The following CUEDC1 variants were observed in gnomAD, a reference collection of about 807,000 sequenced individuals.
CUEDC1 encodes the protein CUE domain containing 1, also known as CUE domain-containing protein 1.
Under a neutral mutation model 43.7 loss-of-function variants are expected in CUEDC1, and 30 were observed. The observed-to-expected ratio is 0.69, with a 90% CI of 0.51 to 0.93. The LOEUF (loss-of-function observed/expected upper bound fraction) is 0.93. Ranked by LOEUF, CUEDC1 falls within the 40% of genes least tolerant of loss-of-function variation. CUEDC1 has a pLI of 0.00. For synonymous variants in CUEDC1, 223 were observed against 223.6 expected (o/e 1.00, Z 0.02); for missense variants, 486 against 549.0 (o/e 0.89, Z 1.15).
chr17:57,953,366 G>A (rs769366244), intron 1 of CUEDC1, among the ~76,000 whole-genome samples: 2 of 152,214 alleles, frequency 1.3e-5, no homozygotes, highest in Non-Finnish European at 2.9e-5. Context: ...GCTAGCTGTA[G>A]GGAGCTGGGA....
intron 1 of CUEDC1, among the ~76,000 whole-genome samples, chr17:57,919,468 G>A (rs538708909): frequency 3.9e-5 from 6 of 152,134 alleles, no homozygotes; most frequent in East Asian, 1.9e-4. Context: ...GCGTGTGCCC[G>A]GCGATATATG....
At chr17:57,897,160 C>G (rs950554525) in intron 1 of CUEDC1, among the ~76,000 whole-genome samples, 1 of 152,110 alleles carries the variant, frequency 6.6e-6, no homozygotes, top group African/African-American at 2.4e-5. Flanking sequence ...TTGGTAGGTA[C>G]ATGCATTTTC....
chr17:57,935,690 C>T (rs192526405), intron 1 of CUEDC1, among the ~76,000 whole-genome samples: 11 of 152,270 alleles, frequency 7.2e-5, no homozygotes, highest in African/African-American at 1.4e-4. Flanking sequence ...GTGTTTACCC[C>T]GGGTGCAGCC....
At chr17:57,895,180 A>C (rs2074395764) in intron 1 of CUEDC1, among the ~76,000 whole-genome samples, 1 of 152,216 alleles carries the variant, frequency 6.6e-6, no homozygotes, top group Admixed American at 6.5e-5. Flanking sequence ...TCATAGTAGA[A>C]AAATGAGGCG....
At chr17:57,936,865 C>T (rs1188457963) in intron 1 of CUEDC1, among the ~76,000 whole-genome samples, 2 of 150,620 alleles carry the variant, frequency 1.3e-5, no homozygotes, top group African/African-American at 4.9e-5. Flanking sequence ...TGTATCACCA[C>T]GCTGGAGTAC....
In CUEDC1 at chr17:57,930,437, T is replaced by C. The variant is rs1479616300; in HGVS notation, c.-316+24788A>G. ...TCTGGGATGCCCAGGGGCCCTTTTA[T>C]CCTGAGTCAGAAACCAAAGCCCTCT... On this transcript the variant is annotated intron_variant, in intron 1 of 10. Coordinates refer to ENST00000577830, the MANE Select transcript of CUEDC1 (RefSeq NM_001271875.2). The surrounding 1 kb of genome is among the most constrained non-coding windows in gnomAD (Gnocchi z 4.2). Among the ~76,000 whole-genome samples, 2 of 152,176 alleles carry C rather than the reference T, an allele frequency of 1.3e-5. No individual in the cohort carries two copies. The highest frequency in any genetic ancestry group is 1.9e-4 in the East Asian group (1 of 5,192).
At chr17:57,932,281 C>CAAAAAAAAAA (rs56137797) in intron 1 of CUEDC1, among the ~76,000 whole-genome samples, 42 of 121,944 alleles carry the variant, frequency 3.4e-4, no homozygotes, top group South Asian at 2.3e-3. Flanking sequence ...CACTGTGTCT[C>CAAAAAAAAAA]AAAAAAAAAA....
intron 10 of CUEDC1, among the ~76,000 whole-genome samples, chr17:57,864,000 CAAAAAA>C (rs71365846): frequency 2.4e-5 from 2 of 82,570 alleles, no homozygotes; most frequent in African/African-American, 5.4e-5. Context: ...GACTCCATCT[CAAAAAA>C]AAAAAAAAAA....
chr17:57,873,453 C>CTACG, intron 4 of CUEDC1, 138 bp downstream of exon 4: 4 of 1,049,342 alleles, frequency 3.8e-6, no homozygotes, highest in Non-Finnish European at 4.0e-6. Flanking sequence ...CATTCCTGCC[C>CTACG]TACGAACCCA....
chr17:57,879,716 G>C lies in CUEDC1; in HGVS notation c.359C>G (p.Pro120Arg), dbSNP rs2074178159. 6.3e-7 allele frequency: 1 copy of C among 1,599,524 alleles called. No individual in the cohort carries two copies. Among genetic ancestry groups the C allele is most frequent in the East Asian group, 2.3e-5 (1 of 43,352 alleles). The change falls in exon 3 of 11, where the codon CCT (proline) becomes CGT (arginine). Residue 120 changes from proline (P) to arginine (R), a missense_variant. Physicochemically the swap from Pro to Arg is moderately radical, Grantham distance 103 (BLOSUM62 -2). Transcript: ENST00000577830. ...TGGGGGCTCTTCATCCGAGCTATCA[G>C]GTTCCAAAGTCCTTTCCAAGATCTA... ...PPEILERTLE[P>R]DSSDEEPPPV...
chr17:57,917,143 T>C (rs1424432413), intron 1 of CUEDC1, among the ~76,000 whole-genome samples: 1 of 152,028 alleles, frequency 6.6e-6, no homozygotes, highest in Non-Finnish European at 1.5e-5. Flanking sequence ...GTCCCTGAGG[T>C]TGCCACAGGT....
intron 1 of CUEDC1, among the ~76,000 whole-genome samples, chr17:57,933,653 G>A (rs1224209880): frequency 6.6e-6 from 1 of 152,166 alleles, no homozygotes; most frequent in Admixed American, 6.5e-5. Context: ...GGGATGCAGG[G>A]CTAGGTATAC....
Position 57,862,143 on chromosome 17 carries a change from CG to C in CUEDC1, c.*1145del, listed in dbSNP as rs1243975248. 1 of 152,322 alleles carries C rather than the reference CG, an allele frequency of 6.6e-6. No homozygotes were observed. Among genetic ancestry groups the C allele is most frequent in the Non-Finnish European group, 1.5e-5 (1 of 68,128 alleles). 9.4% of individuals were successfully genotyped at this position (152,322 alleles called of 1,614,324 possible). A position where few individuals can be genotyped will look rare whatever the true frequency, so the allele number is the denominator to read the frequency against. ...TGCCTGCCCAGGCTTCCCGGCTCTC[CG>C]GAAGGTCTGCGCGCTCCCATGTCCA... is the stretch of plus-strand genomic sequence containing the variant. On this transcript the variant is annotated 3_prime_UTR_variant, in exon 11 of 11. Transcript: ENST00000577830.
At chr17:57,871,494 C>A (rs959424432) in intron 5 of CUEDC1, 125 bp from the exon 6 acceptor site, 1 of 706,210 alleles carries the variant, frequency 1.4e-6, no homozygotes, top group Admixed American at 2.3e-5. Context: ...CACACACGGG[C>A]ACCCAAAATA....
intron 10 of CUEDC1, among the ~76,000 whole-genome samples, chr17:57,866,256 A>G (rs554392355): frequency 6.6e-6 from 1 of 152,346 alleles, no homozygotes; most frequent in East Asian, 1.9e-4. Flanking sequence ...AGGTGTGCTC[A>G]TCTTTTGTCA....
In CUEDC1 at chr17:57,930,186, G is replaced by C. The variant is rs562344084; in HGVS notation, c.-316+25039C>G. Among the ~76,000 whole-genome samples, 1 of 152,334 alleles carries C rather than the reference G, an allele frequency of 6.6e-6. No individual in the cohort carries two copies. The highest frequency in any genetic ancestry group is 2.1e-4 in the South Asian group (1 of 4,830). ...ATTCAGGAAGTTCAAGGTGGGGCCC[G>C]TGATTCTCCATTTCTAACCAGGTGA... On this transcript the variant is annotated intron_variant, in intron 1 of 10. Transcript: ENST00000577830. This position sits in a 1 kb window ranked among gnomAD's most constrained non-coding sequence, Gnocchi z 4.2.
At chr17:57,869,878 T>G (rs1161500115) in intron 6 of CUEDC1, 2 of 152,610 alleles carry the variant, frequency 1.3e-5, no homozygotes, top group African/African-American at 2.4e-5. Flanking sequence ...GCAACTTGGT[T>G]AATCCCCAGT....
intron 6 of CUEDC1, 65 bp downstream of exon 6, chr17:57,871,221 A>T: frequency 7.7e-7 from 1 of 1,291,544 alleles, no homozygotes; most frequent in African/African-American, 1.5e-5. Context: ...CAAATATGCA[A>T]AGCAAAGTTG....
chr17:57,948,364 T>G (rs576687682), intron 1 of CUEDC1, among the ~76,000 whole-genome samples: 2 of 152,144 alleles, frequency 1.3e-5, no homozygotes, highest in African/African-American at 4.8e-5. Flanking sequence ...TGTAGGTCCC[T>G]CCCAGTGAGC....
Sources: allele counts gnomAD v4.1 joint callset (sites outside exome capture counted in the v4.1 genomes callset), GRCh38; gene constraint gnomAD v4.1.1; non-coding constraint Gnocchi (gnomAD v3.1); transcripts MANE v1.5; gene names NCBI Gene and HGNC (gene_info 2026-07-23, HGNC 2026-07-21).